Variants in RABL3 observed in about 807,000 individuals in gnomAD.
RABL3 encodes rab-like protein 3.
In RABL3, 31 loss-of-function variants were observed where a neutral mutation model predicts 31.8. The observed-to-expected ratio is 0.97, with a 90% CI of 0.73 to 1.31. RABL3 has a LOEUF of 1.31. Among genes scored for constraint, RABL3 ranks in the 40% most tolerant of loss-of-function variants. The pLI, the probability that RABL3 is intolerant of heterozygous loss-of-function variation, is 0.00. For synonymous variants in RABL3, 97 were observed against 99.9 expected (o/e 0.97, Z 0.18); for missense variants, 263 against 279.6 (o/e 0.94, Z 0.42).
chr3:120,735,757 T>C (rs1312424028), intron 1 of RABL3, among the ~76,000 whole-genome samples: 1 of 152,200 alleles, frequency 6.6e-6, no homozygotes, highest in Non-Finnish European at 1.5e-5. Flanking sequence ...TTTGTTCCCA[T>C]TGGTTTCAAA....
chr3:120,718,108 A>C (rs1479409448), intron 2 of RABL3, among the ~76,000 whole-genome samples: 1 of 152,070 alleles, frequency 6.6e-6, no homozygotes, highest in African/African-American at 2.4e-5. Context: ...TCCTTCTCCA[A>C]ATATTTCCAC....
chr3:120,700,166 T>G (rs1368070881), intron 4 of RABL3, among the ~76,000 whole-genome samples: 2 of 152,172 alleles, frequency 1.3e-5, no homozygotes, highest in Admixed American at 1.3e-4. Flanking sequence ...AAATCTTCTT[T>G]GGTAAACTTC....
rs145748640 is a variant in RABL3 at position 120,709,856 on chromosome 3, T to A, written c.192A>T (p.Leu64Phe). 6.2e-7 allele frequency: 1 copy of A among 1,611,014 alleles called. No homozygotes were observed. Among genetic ancestry groups the A allele is most frequent in the Middle Eastern group, 1.7e-4 (1 of 6,054 alleles). ...TGCCCACAGAGCCTCCAACATCCCA[T>A]AATTCTATGTAGTAGGTCTTCTCTT... The part of the protein sequence containing the change: ...TPEEKTYYIE[L>F]WDVGGSVGSA... Residue 64 changes from leucine (L) to phenylalanine (F), a missense_variant, in exon 3 of 8, where the codon TTA (leucine) becomes TTT (phenylalanine). Transcript: ENST00000273375.
At chr3:120,725,739 T>C (rs901728536) in intron 2 of RABL3, among the ~76,000 whole-genome samples, 10 of 152,010 alleles carry the variant, frequency 6.6e-5, no homozygotes, top group African/African-American at 1.5e-4. Flanking sequence ...TAGGTGGGAA[T>C]TGAACAATGA....
chr3:120,734,002 T>C (rs939342656), intron 1 of RABL3, among the ~76,000 whole-genome samples: 3 of 152,220 alleles, frequency 2.0e-5, no homozygotes, highest in Admixed American at 6.5e-5. Context: ...CCAGCTTTGT[T>C]CTTTTAGCTT....
intron 2 of RABL3, among the ~76,000 whole-genome samples, chr3:120,727,553 T>G (rs1708836962): frequency 1.3e-5 from 2 of 152,138 alleles, no homozygotes; most frequent in Non-Finnish European, 2.9e-5. Flanking sequence ...AAATAAAATC[T>G]TTCAGAGAAC....
Position 120,737,874 on chromosome 3 carries a change from T to G in RABL3, c.46+4588A>C, listed in dbSNP as rs557850754. On this transcript the variant is annotated intron_variant, in intron 1 of 7. Coordinates refer to ENST00000273375, the MANE Select transcript of RABL3 (RefSeq NM_173825.5). ...ACAGCAAATGTTGCTGCCTGATCAT[T>G]CATTCCTCTGGAAGCTTTTTCTCAG... Among the ~76,000 whole-genome samples the G allele has an allele frequency of 2.0e-4, 31 of 152,334 alleles. No individual in the cohort carries two copies. The South Asian group carries it at 6.4e-3, about 32-fold the overall frequency.
At chr3:120,708,649 ATTG>A (rs1158496087) in intron 3 of RABL3, among the ~76,000 whole-genome samples, 3 of 151,854 alleles carry the variant, frequency 2.0e-5, no homozygotes, top group Admixed American at 6.6e-5. Flanking sequence ...ACTTAGTCTT[ATTG>A]TTGTTTTTCT....
intron 4 of RABL3, among the ~76,000 whole-genome samples, chr3:120,702,383 T>C (rs538660260): frequency 5.3e-5 from 8 of 152,102 alleles, no homozygotes; most frequent in African/African-American, 1.4e-4. Context: ...CAGTTCACAA[T>C]AGGATTCACG....
chr3:120,729,842 A>G (rs1417764988), intron 2 of RABL3, among the ~76,000 whole-genome samples: 1 of 152,136 alleles, frequency 6.6e-6, no homozygotes, highest in African/African-American at 2.4e-5. Context: ...ATGAGGCAAG[A>G]CAGATAATGG....
In RABL3 at chr3:120,709,931, ATAAT is replaced by A. The variant is rs753041813; in HGVS notation, c.139-26_139-23del. On this transcript the variant is annotated intron_variant, in intron 2 of 7. Coordinates refer to ENST00000273375, the MANE Select transcript of RABL3 (RefSeq NM_173825.5). ...GAACCTAACAAATCAATCAATTAAA[ATAAT>A]TAATATAGCCACTAAACAAACTAGT... 2.2e-5 allele frequency: 35 copies of A among 1,558,676 alleles called. No homozygotes were observed. The Admixed American group carries it at 6.0e-4, about 27-fold the overall frequency.
intron 1 of RABL3, among the ~76,000 whole-genome samples, chr3:120,732,349 T>G (rs1214095756): frequency 6.6e-6 from 1 of 152,134 alleles, no homozygotes; most frequent in Admixed American, 6.5e-5. Context: ...GCATCCACTA[T>G]TCTCTGGGCC....
chr3:120,722,332 A>G (rs1708754543), intron 2 of RABL3: 1 of 152,202 alleles, frequency 6.6e-6, no homozygotes, highest in South Asian at 2.1e-4. Context: ...AAAGGAAGGA[A>G]TCCAACCCCC....
At chr3:120,712,315 G>A (rs186000406) in intron 2 of RABL3, among the ~76,000 whole-genome samples, 1 of 152,242 alleles carries the variant, frequency 6.6e-6, no homozygotes, top group East Asian at 1.9e-4. Context: ...AATTAATTCT[G>A]CATATTACAA....
At chr3:120,707,050 C>T (rs1246985958) in intron 3 of RABL3, among the ~76,000 whole-genome samples, 2 of 152,184 alleles carry the variant, frequency 1.3e-5, no homozygotes, top group Admixed American at 1.3e-4. Context: ...ACTCCCAACC[C>T]TTTTCTATAT....
chr3:120,708,963 C>T (rs1467588698), intron 3 of RABL3, among the ~76,000 whole-genome samples: 1 of 151,630 alleles, frequency 6.6e-6, no homozygotes, highest in Non-Finnish European at 1.5e-5. Flanking sequence ...AAGGAATGAA[C>T]ATACTGAATA....
intron 5 of RABL3, among the ~76,000 whole-genome samples, chr3:120,696,899 C>A (rs755248800): frequency 6.6e-6 from 1 of 152,098 alleles, no homozygotes; most frequent in Non-Finnish European, 1.5e-5. Context: ...GGGCTCTCCG[C>A]TGCAAAGCAG....
chr3:120,741,135 A>G (rs548532382), intron 1 of RABL3, among the ~76,000 whole-genome samples: 95 of 152,370 alleles, frequency 6.2e-4, no homozygotes, highest in African/African-American at 2.3e-3. Flanking sequence ...TCTGGATTGT[A>G]AATTCTACTC....
chr3:120,694,879 A>G (rs1044667238), intron 5 of RABL3, among the ~76,000 whole-genome samples: 1 of 152,012 alleles, frequency 6.6e-6, no homozygotes, highest in Admixed American at 6.6e-5. Context: ...CCCAGAAGGG[A>G]CAAAACGATC....
Sources: allele counts gnomAD v4.1 joint callset (sites outside exome capture counted in the v4.1 genomes callset), GRCh38; gene constraint gnomAD v4.1.1; transcripts MANE v1.5; gene names NCBI Gene and HGNC (gene_info 2026-07-23, HGNC 2026-07-21).